The following CSMD1 variants were observed in gnomAD, a reference collection of about 807,000 sequenced individuals.
CSMD1 encodes the protein CUB and sushi domain-containing protein 1.
A neutral mutation model predicts 417.5 loss-of-function variants in CSMD1; 213 were observed. The ratio of observed to expected loss-of-function variants is 0.51; its 90% confidence interval spans 0.46 to 0.57. CSMD1 has a LOEUF of 0.57. Ranked by LOEUF, CSMD1 falls within the 20% of genes least tolerant of loss-of-function variation. CSMD1 has a pLI of 0.00. For synonymous variants in CSMD1, 2,862 were observed against 1,736.8 expected (o/e 1.65, Z -16.11); for missense variants, 6,923 against 4,529.7 (o/e 1.53, Z -15.17).
chr8:4,078,295 G>T (rs923849163), intron 3 of CSMD1, among the ~76,000 whole-genome samples: 2 of 149,916 alleles, frequency 1.3e-5, no homozygotes, highest in African/African-American at 2.4e-5. Context: ...GTGCCATAAT[G>T]ATGAGTTTGA....
At chr8:4,143,754 T>A (rs984929176) in intron 3 of CSMD1, among the ~76,000 whole-genome samples, 3 of 151,218 alleles carry the variant, frequency 2.0e-5, no homozygotes, top group African/African-American at 7.4e-5. Flanking sequence ...GGGGATTTAT[T>A]AAAGCCAGAA....
chr8:4,157,653 T>C (rs1019184480), intron 3 of CSMD1, among the ~76,000 whole-genome samples: 9 of 152,218 alleles, frequency 5.9e-5, no homozygotes, highest in African/African-American at 2.2e-4. Context: ...ACCTCTGTTA[T>C]CTGGGCATGG....
intron 1 of CSMD1, among the ~76,000 whole-genome samples, chr8:4,727,654 G>A (rs928628046): frequency 6.6e-6 from 1 of 151,878 alleles, no homozygotes; most frequent in African/African-American, 2.4e-5. Flanking sequence ...TGAAATCCAC[G>A]GGGACCAGCT....
At chr8:3,226,538 C>T (rs1039960999) in intron 27 of CSMD1, among the ~76,000 whole-genome samples, 3 of 146,638 alleles carry the variant, frequency 2.0e-5, no homozygotes, top group African/African-American at 7.7e-5. Context: ...GCTGAGATCA[C>T]ACCACTGCAC....
chr8:4,776,352 A>T (rs1796852797), intron 1 of CSMD1, among the ~76,000 whole-genome samples: 1 of 152,134 alleles, frequency 6.6e-6, no homozygotes, highest in Non-Finnish European at 1.5e-5. Flanking sequence ...CTAAGTTTTG[A>T]ACAACTGCAC....
rs1386390836 is a variant in CSMD1, at chr8:4,676,977, TTATA to T, written c.86-39423_86-39420del. On this transcript the variant is annotated intron_variant, in intron 1 of 69. Transcript: ENST00000635120. ...ATATATCTATCATATATAATATATA[TTATA>T]TATTTTATATATATATAAAATTTTA... 2.7e-5 allele frequency among the ~76,000 whole-genome samples: 4 copies of T among 146,238 alleles called. No individual in the cohort carries two copies. In the Admixed American group the frequency reaches 2.8e-4, roughly 10 times the overall value.
chr8:4,786,274 C>T (rs1797397379), intron 1 of CSMD1, among the ~76,000 whole-genome samples: 1 of 152,102 alleles, frequency 6.6e-6, no homozygotes, highest in Non-Finnish European at 1.5e-5. Flanking sequence ...TTTCTTTCTT[C>T]TTTCTTTGTT....
At chr8:4,540,364 G>C (rs150966501) in intron 2 of CSMD1, among the ~76,000 whole-genome samples, 46 of 152,170 alleles carry the variant, frequency 3.0e-4, no homozygotes, top group African/African-American at 1.1e-3. Flanking sequence ...CCCAAAACTG[G>C]TGAAATAAGC....
chr8:4,493,641 G>C (rs918901356), intron 2 of CSMD1, among the ~76,000 whole-genome samples: 1 of 152,160 alleles, frequency 6.6e-6, no homozygotes, highest in East Asian at 1.9e-4. Flanking sequence ...GCTGGAGTGA[G>C]CTATGAGCGT....
intron 5 of CSMD1, among the ~76,000 whole-genome samples, chr8:3,760,840 G>T (rs1006876456): frequency 3.3e-5 from 5 of 152,150 alleles, no homozygotes; most frequent in South Asian, 4.1e-4. Context: ...TACTGCTATT[G>T]GGAGAGGCTT....
chr8:4,599,967 C>T (rs1800497177), intron 2 of CSMD1, among the ~76,000 whole-genome samples: 1 of 152,168 alleles, frequency 6.6e-6, no homozygotes, highest in Non-Finnish European at 1.5e-5. Context: ...TCTGTCCATC[C>T]ACCTCCATGG....
chr8:3,095,674 T>A (rs1044041636), intron 47 of CSMD1, among the ~76,000 whole-genome samples: 1 of 152,194 alleles, frequency 6.6e-6, no homozygotes, highest in African/African-American at 2.4e-5. Context: ...CTGAATTGAT[T>A]GTAATTTATC....
At chr8:3,621,820 G>A (rs1796256407) in intron 7 of CSMD1, among the ~76,000 whole-genome samples, 1 of 151,494 alleles carries the variant, frequency 6.6e-6, no homozygotes, top group African/African-American at 2.4e-5. Context: ...TATTGCCCAG[G>A]CTGGTCTCAA....
At chr8:4,969,568 G>C (rs1012447408) in intron 1 of CSMD1, among the ~76,000 whole-genome samples, 10 of 151,622 alleles carry the variant, frequency 6.6e-5, no homozygotes, top group African/African-American at 1.9e-4. Context: ...TCTCACAACA[G>C]CTCAGTTCTA....
At chr8:3,249,080 A>C (rs1800084461) in intron 26 of CSMD1, among the ~76,000 whole-genome samples, 2 of 152,188 alleles carry the variant, frequency 1.3e-5, no homozygotes, top group African/African-American at 4.8e-5. Flanking sequence ...TTCTCAAAAA[A>C]TGTTTGTCGA....
chr8:3,018,480 G>A lies in CSMD1; in HGVS notation c.8026C>T (p.Leu2676=), dbSNP rs765101878. 1 of 1,612,828 alleles carries A rather than the reference G, an allele frequency of 6.2e-7. No homozygotes were observed. Among genetic ancestry groups the A allele is most frequent in the African/African-American group, 1.3e-5 (1 of 74,836 alleles). ...GLWSGSETRC[L]AGHCGSPDPI... is the part of the protein sequence containing the mutation. Reference sequence around the variant, plus strand: ...GCCAGAACACAGATGAATTTACCCAGACATCGAGTTTCGCTGCCGCTCCAG... The same window carrying A: ...GCCAGAACACAGATGAATTTACCCAAACATCGAGTTTCGCTGCCGCTCCAG... Residue 2676 remains leucine, a synonymous_variant, in exon 52 of 70, where the codon CTG becomes TTG. Coordinates refer to ENST00000635120, the MANE Select transcript of CSMD1 (RefSeq NM_033225.6).
intron 6 of CSMD1, among the ~76,000 whole-genome samples, chr8:3,726,123 G>A (rs542506973): frequency 1.3e-5 from 2 of 152,144 alleles, no homozygotes; most frequent in South Asian, 2.1e-4. Flanking sequence ...GGGACCTGAG[G>A]TCCCTGCCAA....
At chr8:3,633,961 T>C (rs1283801318) in intron 7 of CSMD1, among the ~76,000 whole-genome samples, 17 of 151,594 alleles carry the variant, frequency 1.1e-4, no homozygotes, top group Admixed American at 9.2e-4. Flanking sequence ...GGATTCAGTA[T>C]GAAACATGAA....
intron 5 of CSMD1, among the ~76,000 whole-genome samples, chr8:3,959,757 T>C (rs1812198228): frequency 6.6e-6 from 1 of 152,190 alleles, no homozygotes; most frequent in African/African-American, 2.4e-5. Context: ...CAAACTTAGG[T>C]ATGTCTTCAG....
Sources: allele counts gnomAD v4.1 joint callset (sites outside exome capture counted in the v4.1 genomes callset), GRCh38; gene constraint gnomAD v4.1.1; transcripts MANE v1.5; gene names NCBI Gene and HGNC (gene_info 2026-07-23, HGNC 2026-07-21).